Variants in GMDS observed in about 807,000 individuals in gnomAD.
The protein encoded by GMDS is GDP-mannose 4,6 dehydratase.
Under a neutral mutation model 49.9 loss-of-function variants are expected in GMDS, and 20 were observed. That is an observed-to-expected ratio of 0.40 (90% CI 0.28 to 0.58). GMDS has a LOEUF of 0.58. Ranked by LOEUF, GMDS falls within the 20% of genes least tolerant of loss-of-function variation. GMDS has a pLI of 0.42. For missense variants in GMDS, 362 were observed against 481.4 expected (o/e 0.75, Z 2.32); for synonymous variants, 177 against 178.6 (o/e 0.99, Z 0.07).
chr6:1,779,022 G>A (rs987979954), intron 7 of GMDS, among the ~76,000 whole-genome samples: 2 of 152,106 alleles, frequency 1.3e-5, no homozygotes, highest in African/African-American at 4.8e-5. Flanking sequence ...GTCCTGGCTG[G>A]GGTGGGAGTG....
chr6:2,096,280 T>C (rs1562050253), intron 4 of GMDS, among the ~76,000 whole-genome samples: 1 of 152,226 alleles, frequency 6.6e-6, no homozygotes, highest in African/African-American at 2.4e-5. Context: ...TCCATGTGAT[T>C]TGTTGTTATA....
At chr6:1,910,906 G>T (rs1041249052) in intron 7 of GMDS, among the ~76,000 whole-genome samples, 4 of 152,160 alleles carry the variant, frequency 2.6e-5, no homozygotes, top group Non-Finnish European at 4.4e-5. Flanking sequence ...TAAAAAACTG[G>T]CATTGTGTTT....
At chr6:1,819,568 C>G (rs1414509937) in intron 7 of GMDS, among the ~76,000 whole-genome samples, 1 of 151,858 alleles carries the variant, frequency 6.6e-6, no homozygotes, top group Admixed American at 6.6e-5. Flanking sequence ...TGAGACCAGC[C>G]TGGCCAACAT....
At position 1,724,892 on chromosome 6, in the gene GMDS, A is replaced by G. The variant is rs2113437093; in HGVS notation, c.987+1524T>C. Among the ~76,000 whole-genome samples, 2 of 152,296 alleles carry G rather than the reference A, an allele frequency of 1.3e-5. 1 individual carries two copies. The highest frequency in any genetic ancestry group is 1.3e-4 in the Admixed American group (2 of 15,306). ...CCCGGCCACGCCCTGTGCCCGGACA[A>G]TGCACGACTCCACAGCCCTACCTCT... is the stretch of plus-strand genomic sequence containing the variant. On this transcript the variant is annotated intron_variant, in intron 9 of 10. Coordinates refer to ENST00000380815, the MANE Select transcript of GMDS (RefSeq NM_001500.4).
chr6:2,130,192 G>A (rs1775654424), intron 1 of GMDS, among the ~76,000 whole-genome samples: 1 of 152,012 alleles, frequency 6.6e-6, no homozygotes, highest in Non-Finnish European at 1.5e-5. Flanking sequence ...CAAAAATAGA[G>A]CCAATAATTA....
intron 9 of GMDS, among the ~76,000 whole-genome samples, chr6:1,670,368 T>G (rs1207130328): frequency 4.1e-5 from 6 of 147,510 alleles, no homozygotes; most frequent in South Asian, 2.1e-4. Context: ...GGGTTTTTTT[T>G]GGTTTTTTTT....
chr6:1,665,053 C>T (rs926620823), intron 9 of GMDS, among the ~76,000 whole-genome samples: 2 of 152,172 alleles, frequency 1.3e-5, no homozygotes, highest in African/African-American at 4.8e-5. Flanking sequence ...TGGCAGTTGG[C>T]AGTTTATCTT....
intron 4 of GMDS, among the ~76,000 whole-genome samples, chr6:2,065,154 C>A (rs185537945): frequency 1.3e-5 from 2 of 152,154 alleles, no homozygotes; most frequent in Admixed American, 1.3e-4. Context: ...CACCCCCCAG[C>A]AGGGGCAGAC....
chr6:2,062,985 T>C (rs1771281357), intron 4 of GMDS, among the ~76,000 whole-genome samples: 1 of 152,250 alleles, frequency 6.6e-6, no homozygotes, highest in East Asian at 1.9e-4. Context: ...GCATTACTGC[T>C]ACCAATCTGT....
chr6:1,626,839 C>A lies in GMDS; in HGVS notation c.988-2299G>T, dbSNP rs192593032. On this transcript the variant is annotated intron_variant, in intron 9 of 10. Transcript: ENST00000380815. ...TCACAATATAAAAACAACCAGGGAA[C>A]TACAATTAAGGAAAAAGAAAAATGT... 1.3e-3 allele frequency among the ~76,000 whole-genome samples: 191 copies of A among 152,300 alleles called. 1 individual carries two copies. Among genetic ancestry groups the A allele is most frequent in the African/African-American group, 4.4e-3 (182 of 41,556 alleles).
intron 7 of GMDS, among the ~76,000 whole-genome samples, chr6:1,812,342 C>T (rs952506751): frequency 6.6e-6 from 1 of 152,182 alleles, no homozygotes; most frequent in Non-Finnish European, 1.5e-5. Context: ...AGGGGGATTT[C>T]AGTCCATAAA....
chr6:2,235,789 G>A (rs1323239909), intron 1 of GMDS, among the ~76,000 whole-genome samples: 1 of 149,510 alleles, frequency 6.7e-6, no homozygotes, highest in Non-Finnish European at 1.5e-5. Flanking sequence ...TCCAGCCTGA[G>A]CAAGACCCTT....
Position 2,097,333 on chromosome 6 carries a change from G to A in GMDS, c.345+18438C>T, listed in dbSNP as rs966868961. Among the ~76,000 whole-genome samples, 52 of 152,144 alleles carry A rather than the reference G, an allele frequency of 3.4e-4. 1 individual carries two copies. Among genetic ancestry groups the A allele is most frequent in the Admixed American group, 2.6e-4 (4 of 15,278 alleles). ...CTCTAGTCAAAGCCCCTCGGCGACT[G>A]AGCATTATCACCTATCTAGGGAAGG... On this transcript the variant is annotated intron_variant, in intron 4 of 10. Transcript: ENST00000380815.
chr6:1,644,473 C>T (rs1002571256), intron 9 of GMDS, among the ~76,000 whole-genome samples: 1 of 152,260 alleles, frequency 6.6e-6, no homozygotes, highest in Non-Finnish European at 1.5e-5. Flanking sequence ...CTGCACTTTG[C>T]TCCTGCCTTT....
intron 4 of GMDS, among the ~76,000 whole-genome samples, chr6:2,069,319 A>G (rs1390848285): frequency 1.3e-5 from 2 of 152,228 alleles, no homozygotes; most frequent in Admixed American, 6.5e-5. Context: ...AAACCCTAGA[A>G]GAAAACCTAG....
chr6:1,653,285 G>C (rs982623999), intron 9 of GMDS, among the ~76,000 whole-genome samples: 1 of 152,162 alleles, frequency 6.6e-6, no homozygotes, highest in Non-Finnish European at 1.5e-5. Context: ...GCCTTCAAAT[G>C]CAAGTTGCAA....
intron 4 of GMDS, among the ~76,000 whole-genome samples, chr6:2,083,749 G>A (rs6926868): frequency 0.022 from 3,403 of 152,120 alleles, 119 homozygotes; most frequent in African/African-American, 0.076. Context: ...CAGCTTATTG[G>A]GTAAGTCCAT....
chr6:1,758,867 T>TA (rs1408130622), intron 7 of GMDS, among the ~76,000 whole-genome samples: 1 of 152,194 alleles, frequency 6.6e-6, no homozygotes, highest in Non-Finnish European at 1.5e-5. Context: ...GGTCAGGAGT[T>TA]AGAGACCAGC....
At chr6:2,053,930 T>C (rs1049755389) in intron 4 of GMDS, among the ~76,000 whole-genome samples, 2 of 152,128 alleles carry the variant, frequency 1.3e-5, no homozygotes, top group African/African-American at 4.8e-5. Flanking sequence ...TACACAATTA[T>C]ATAACACAAG....
Sources: gnomAD v4.1 joint callset for allele counts (sites outside exome capture counted in the v4.1 genomes callset) on GRCh38, gnomAD v4.1.1 for gene constraint, MANE v1.5 for transcripts, NCBI Gene and HGNC (gene_info 2026-07-23, HGNC 2026-07-21) for gene names.